The following CLYBL variants were observed in gnomAD, a reference collection of about 807,000 sequenced individuals.
CLYBL encodes citramalyl-CoA lyase, mitochondrial.
A neutral mutation model predicts 38.9 loss-of-function variants in CLYBL; 31 were observed. The observed-to-expected ratio is 0.80, with a 90% confidence interval of 0.60 to 1.08. CLYBL has a LOEUF of 1.08. Ranked by LOEUF, CLYBL falls within the 50% of genes least tolerant of loss-of-function variation. The pLI, the probability that CLYBL is intolerant of heterozygous loss-of-function variation, is 0.00. For synonymous variants in CLYBL, 171 were observed against 158.6 expected (o/e 1.08, Z -0.59); for missense variants, 434 against 411.6 (o/e 1.05, Z -0.47).
chr13:99,727,417 G>A (rs903058432), intron 1 of CLYBL: 2 of 152,080 alleles, frequency 1.3e-5, no homozygotes, highest in South Asian at 4.2e-4. Flanking sequence ...TTCAGATAAA[G>A]GTCTCAAAAG....
chr13:99,813,167 G>A (rs921041723), intron 2 of CLYBL, among the ~76,000 whole-genome samples: 6 of 152,132 alleles, frequency 3.9e-5, no homozygotes, highest in East Asian at 3.9e-4. Flanking sequence ...TGATACTGCC[G>A]TATTTTTTTC....
chr13:99,645,458 A>G (rs761489629), intron 1 of CLYBL, among the ~76,000 whole-genome samples: 14 of 145,596 alleles, frequency 9.6e-5, no homozygotes, highest in Non-Finnish European at 1.6e-4. Flanking sequence ...AGATTGCACC[A>G]CTGCACTCCA....
At chr13:99,885,034 C>T (rs553025264) in intron 7 of CLYBL, 32 of 522,722 alleles carry the variant, frequency 6.1e-5, no homozygotes, top group South Asian at 1.6e-4. Flanking sequence ...ATCACCAGGT[C>T]AGCGGTCACA....
chr13:99,906,357 A>T (rs1439586211), intron 9 of CLYBL, among the ~76,000 whole-genome samples: 4 of 152,196 alleles, frequency 2.6e-5, no homozygotes, highest in Non-Finnish European at 5.9e-5. Flanking sequence ...AAGAATAATC[A>T]GATATGAGGA....
chr13:99,762,663 G>A (rs1050885538), intron 1 of CLYBL, among the ~76,000 whole-genome samples: 2 of 152,138 alleles, frequency 1.3e-5, no homozygotes, highest in African/African-American at 4.8e-5. Flanking sequence ...GTCTCTTGTG[G>A]TTCCATATAA....
chr13:99,688,394 A>G (rs932269501), intron 1 of CLYBL, among the ~76,000 whole-genome samples: 3 of 152,162 alleles, frequency 2.0e-5, no homozygotes, highest in Non-Finnish European at 4.4e-5. Context: ...TAGTTGCAGG[A>G]TATTACAGTC....
At chr13:99,676,572 G>A (rs1490419232) in intron 1 of CLYBL, among the ~76,000 whole-genome samples, 1 of 149,506 alleles carries the variant, frequency 6.7e-6, no homozygotes, top group South Asian at 2.1e-4. Context: ...TTACAGGCAT[G>A]AGCCACCACA....
chr13:99,717,737 T>G (rs1446226917), intron 1 of CLYBL, among the ~76,000 whole-genome samples: 2 of 151,306 alleles, frequency 1.3e-5, no homozygotes, highest in African/African-American at 2.4e-5. Context: ...TGGGATTCCA[T>G]GGGTGAGCCA....
intron 1 of CLYBL, among the ~76,000 whole-genome samples, chr13:99,672,759 G>T (rs1300074991): frequency 6.6e-6 from 1 of 152,110 alleles, no homozygotes; most frequent in Non-Finnish European, 1.5e-5. Context: ...AACAGAGCAA[G>T]ACCCTGTCTC....
chr13:99,712,339 T>C (rs1226237868), intron 1 of CLYBL, among the ~76,000 whole-genome samples: 1 of 150,222 alleles, frequency 6.7e-6, no homozygotes, highest in Non-Finnish European at 1.5e-5. Flanking sequence ...GACTTTTTTT[T>C]TTTTTTTTTT....
intron 2 of CLYBL, among the ~76,000 whole-genome samples, chr13:99,784,679 C>A (rs886438579): frequency 6.6e-6 from 1 of 151,976 alleles, no homozygotes. Context: ...GTCTTAAATT[C>A]CTGACCTCAG....
intron 7 of CLYBL, among the ~76,000 whole-genome samples, chr13:99,871,640 G>A (rs993518483): frequency 3.9e-5 from 6 of 152,130 alleles, no homozygotes; most frequent in East Asian, 1.9e-4. Context: ...TGAGCCTCGC[G>A]TTTCCTGCTC....
At chr13:99,614,584 T>G (rs145629445) in intron 1 of CLYBL, among the ~76,000 whole-genome samples, 10 of 151,342 alleles carry the variant, frequency 6.6e-5, no homozygotes, top group Non-Finnish European at 1.2e-4. Flanking sequence ...GCGAGGGAGG[T>G]CTCTGCCAAC....
intron 1 of CLYBL, among the ~76,000 whole-genome samples, chr13:99,638,831 C>T (rs1425645336): frequency 6.6e-6 from 1 of 152,214 alleles, no homozygotes; most frequent in Admixed American, 6.5e-5. Flanking sequence ...TCCCCATGAG[C>T]TGGCACACAG....
At chr13:99,664,833 A>G (rs539270963) in intron 1 of CLYBL, among the ~76,000 whole-genome samples, 71 of 152,272 alleles carry the variant, frequency 4.7e-4, no homozygotes, top group Middle Eastern at 3.4e-3. Flanking sequence ...ATCATGTGCA[A>G]GTCCTTTTTT....
chr13:99,782,215 T>A (rs1443462004), intron 2 of CLYBL, among the ~76,000 whole-genome samples: 1 of 152,182 alleles, frequency 6.6e-6, no homozygotes, highest in Non-Finnish European at 1.5e-5. Flanking sequence ...TTTTTGAAAA[T>A]GTCTTTATGG....
intron 7 of CLYBL, among the ~76,000 whole-genome samples, chr13:99,872,363 A>G (rs984110415): frequency 6.6e-6 from 1 of 152,228 alleles, no homozygotes; most frequent in African/African-American, 2.4e-5. Flanking sequence ...CATAGAAACA[A>G]TATTTTAAGT....
intron 7 of CLYBL, among the ~76,000 whole-genome samples, chr13:99,878,555 G>C (rs1175222592): frequency 6.6e-6 from 1 of 152,172 alleles, no homozygotes; most frequent in Non-Finnish European, 1.5e-5. Context: ...ATCTGAGATG[G>C]AGGTGATAGT....
At chr13:99,849,000 G>A (rs1279637767) in intron 2 of CLYBL, among the ~76,000 whole-genome samples, 4 of 152,042 alleles carry the variant, frequency 2.6e-5, no homozygotes, top group Non-Finnish European at 4.4e-5. Flanking sequence ...TTAGCTGGGC[G>A]TGGTGGCAGT....
Sources: allele counts gnomAD v4.1 joint callset (sites outside exome capture counted in the v4.1 genomes callset), GRCh38; gene constraint gnomAD v4.1.1; transcripts MANE v1.5; gene names NCBI Gene and HGNC (gene_info 2026-07-23, HGNC 2026-07-21).